SETD5: variants seen among roughly 807,000 people sequenced by gnomAD.
SETD5 encodes histone-lysine N-methyltransferase SETD5.
In SETD5, 44 loss-of-function variants were observed where a neutral mutation model predicts 153.3. The observed-to-expected ratio is 0.29, with a 90% CI of 0.23 to 0.37. The LOEUF (loss-of-function observed/expected upper bound fraction) is 0.37, where lower values mean the gene tolerates loss of function less well. Among genes scored for constraint, SETD5 ranks in the 10% least tolerant of loss-of-function variants. The probability of loss-of-function intolerance (pLI) is 1.00; values close to 1 mark genes in which losing one functional copy is unlikely to be tolerated. For missense variants in SETD5, 1,544 were observed against 1,768.0 expected (o/e 0.87, Z 2.27); for synonymous variants, 716 against 645.2 (o/e 1.11, Z -1.66).
At chr3:9,444,023 C>T (rs1397432352) in intron 11 of SETD5, among the ~76,000 whole-genome samples, 2 of 152,318 alleles carry the variant, frequency 1.3e-5, no homozygotes, top group Admixed American at 1.3e-4. Context: ...GATCACGCCA[C>T]TGCACTCCAG....
intron 21 of SETD5, 175 bp from the exon 22 acceptor site, chr3:9,474,893 C>T (rs1252279040): frequency 4.7e-6 from 3 of 636,736 alleles, no homozygotes; most frequent in Non-Finnish European, 5.4e-6. Flanking sequence ...GCATTTAGAA[C>T]ATAGCCCATA....
At chr3:9,416,353 GGT>G (rs1042502481) in intron 1 of SETD5, among the ~76,000 whole-genome samples, 58 of 152,202 alleles carry the variant, frequency 3.8e-4, no homozygotes, top group Admixed American at 3.7e-3. Context: ...CCTGCTTTGG[GGT>G]GTTTCTCCTG....
intron 17 of SETD5, among the ~76,000 whole-genome samples, chr3:9,457,208 G>T (rs2043361671): frequency 6.6e-6 from 1 of 152,076 alleles, no homozygotes; most frequent in South Asian, 2.1e-4. Context: ...AAGAGTTTAG[G>T]CCAGGCGTGG....
At chr3:9,438,417 G>A (rs75902405) in intron 7 of SETD5, among the ~76,000 whole-genome samples, 2,122 of 152,084 alleles carry the variant, frequency 0.014, 42 homozygotes, top group African/African-American at 0.049. Context: ...CCAGAAGCTC[G>A]AAACCTTTCA....
At chr3:9,421,863 G>T (rs944155253) in intron 1 of SETD5, among the ~76,000 whole-genome samples, 1 of 152,096 alleles carries the variant, frequency 6.6e-6, no homozygotes, top group Non-Finnish European at 1.5e-5. Flanking sequence ...GTATATAGAA[G>T]TAATAGATTG....
intron 18 of SETD5, among the ~76,000 whole-genome samples, chr3:9,467,997 C>T (rs2044813733): frequency 6.6e-6 from 1 of 151,488 alleles, no homozygotes; most frequent in Non-Finnish European, 1.5e-5. Context: ...GAGGAACTGG[C>T]CATCTCCCTA....
intron 16 of SETD5, among the ~76,000 whole-genome samples, chr3:9,451,330 C>A (rs1575492269): frequency 6.6e-6 from 1 of 152,138 alleles, no homozygotes; most frequent in Admixed American, 6.5e-5. Flanking sequence ...ATCTCACTTA[C>A]CATGCATGAA....
At chr3:9,473,165 T>A (rs924058919) in intron 19 of SETD5, 71 bp from the exon 20 acceptor site, 5 of 1,504,252 alleles carry the variant, frequency 3.3e-6, no homozygotes, top group Non-Finnish European at 4.5e-6. Context: ...CTTCTTTCCC[T>A]GTTGCTGGTG....
At chr3:9,422,629 C>T (rs2038580092) in intron 1 of SETD5, among the ~76,000 whole-genome samples, 1 of 152,120 alleles carries the variant, frequency 6.6e-6, no homozygotes, top group Non-Finnish European at 1.5e-5. Flanking sequence ...GGATATTGTA[C>T]AGCCTAAGGA....
chr3:9,409,855 C>CA (rs2036280988), intron 1 of SETD5, among the ~76,000 whole-genome samples: 1 of 152,182 alleles, frequency 6.6e-6, no homozygotes, highest in South Asian at 2.1e-4. Context: ...TCCCCATGCC[C>CA]AAAATCTCAG....
rs754366536 is a variant in SETD5 at position 9,440,581 on chromosome 3, C to T, written c.693C>T (p.Asn231=). 26 of 1,613,840 alleles carry T rather than the reference C, an allele frequency of 1.6e-5. No individual in the cohort carries two copies. The Middle Eastern group carries it at 9.9e-4, about 61-fold the overall frequency. Residue 231 remains asparagine, a synonymous_variant, in exon 8 of 23, where the codon AAC becomes AAT. Transcript: ENST00000402198. ...FTNQYSADVQ[N]ALEQHLHSSK... The stretch of plus-strand genomic sequence containing the variant: ...ATCAGTACAGTGCAGATGTACAGAA[C>T]GCGCTTGAACAACACCTACATTCTA...
intron 18 of SETD5, among the ~76,000 whole-genome samples, chr3:9,469,526 T>C (rs934319034): frequency 6.6e-6 from 1 of 152,182 alleles, no homozygotes; most frequent in African/African-American, 2.4e-5. Context: ...CTGAAAAAGG[T>C]TTTATTCCAC....
chr3:9,444,957 T>C, intron 11 of SETD5, 91 bp from the exon 12 acceptor site: 1 of 1,464,188 alleles, frequency 6.8e-7, no homozygotes, highest in Non-Finnish European at 9.3e-7. Context: ...CAGAGGAAGT[T>C]ACTGTACTGA....
intron 1 of SETD5, among the ~76,000 whole-genome samples, chr3:9,411,709 CT>C (rs1323855344): frequency 6.6e-5 from 10 of 152,178 alleles, no homozygotes; most frequent in Non-Finnish European, 1.3e-4. Context: ...TAAATGCTGC[CT>C]TTATTTTGGA....
At chr3:9,453,016 A>C (rs577247111) in intron 16 of SETD5, among the ~76,000 whole-genome samples, 2 of 152,142 alleles carry the variant, frequency 1.3e-5, no homozygotes, top group Non-Finnish European at 2.9e-5. Flanking sequence ...CAGGTTTACT[A>C]TCTGGCCTAA....
At chr3:9,475,400 AG>A in intron 22 of SETD5, 82 bp from the exon 23 acceptor site, 14 of 1,513,708 alleles carry the variant, frequency 9.2e-6, no homozygotes, top group Non-Finnish European at 1.2e-5. Context: ...TGAAGAAAAA[AG>A]AATGTAGGGT....
intron 1 of SETD5, among the ~76,000 whole-genome samples, chr3:9,405,743 A>G (rs572406566): frequency 6.6e-6 from 1 of 152,302 alleles, no homozygotes; most frequent in African/African-American, 2.4e-5. Context: ...GTTAATTTTA[A>G]TACATGCCCA....
intron 13 of SETD5, among the ~76,000 whole-genome samples, chr3:9,446,035 C>G (rs2041943625): frequency 7.1e-6 from 1 of 141,396 alleles, no homozygotes; most frequent in Non-Finnish European, 1.5e-5. Flanking sequence ...CGCCTGTAAT[C>G]CCAGCACTTT....
rs2044328286 is a variant in SETD5, at chr3:9,464,467, T to A, written c.2519T>A (p.Met840Lys). 1 of 1,613,686 alleles carries A rather than the reference T, an allele frequency of 6.2e-7. No homozygotes were observed. Among genetic ancestry groups the A allele is most frequent in the Non-Finnish European group, 8.5e-7 (1 of 1,179,588 alleles). ...PLKKWKSRYL[M>K]EQNVTKLLRP... ...AAGAAATGGAAGTCTCGCTATCTGA[T>A]GGAGCAGAATGTCACCAAGTTACTT... Residue 840 changes from methionine to lysine, a missense_variant, in exon 18 of 23, where the codon ATG (methionine) becomes AAG (lysine). This residue lies in a region of SETD5 where 782 missense variants were observed against 787.2 expected (regional missense o/e 0.99). Transcript: ENST00000402198.
Sources: gnomAD v4.1 joint callset for allele counts (sites outside exome capture counted in the v4.1 genomes callset) on GRCh38, gnomAD v4.1.1 for gene constraint, gnomAD v4.1.1 regional missense constraint, MANE v1.5 for transcripts, NCBI Gene and HGNC (gene_info 2026-07-23, HGNC 2026-07-21) for gene names.